The following SLC25A20 variants were observed in gnomAD, a reference collection of about 807,000 sequenced individuals.
SLC25A20 encodes mitochondrial carnitine/acylcarnitine carrier protein.
In SLC25A20, 29 loss-of-function variants were observed where a neutral mutation model predicts 39.7. The observed-to-expected ratio is 0.73, with a 90% CI of 0.54 to 1.00. The LOEUF (loss-of-function observed/expected upper bound fraction) is 1.00. Ranked by LOEUF, SLC25A20 falls within the 50% of genes least tolerant of loss-of-function variation. The pLI is 0.00. For synonymous variants in SLC25A20, 103 were observed against 142.2 expected (o/e 0.72, Z 1.96); for missense variants, 333 against 379.9 (o/e 0.88, Z 1.03).
rs2083814605 is a variant in SLC25A20 at position 48,884,088 on chromosome 3, TA to T, written c.234del (p.Ile79SerfsTer50). 6.2e-7 allele frequency: 1 copy of T among 1,613,710 alleles called. No individual in the cohort carries two copies. Among genetic ancestry groups the T allele is most frequent in the African/African-American group, 1.3e-5 (1 of 74,896 alleles). On this transcript the variant is annotated frameshift_variant, in exon 3 of 9. Transcript: ENST00000319017. LOFTEE classifies it high-confidence loss of function. ...GCAAACATGGGAGTGACCCCGATGA[TA>T]GGGGCAGCCATTCCCCGATATAGCC... The part of the protein sequence containing the change: ...ITGLYRGMAA[P>X]IIGVTPMFAV...
In SLC25A20 at chr3:48,897,486, G is replaced by A. The variant is rs986472339; in HGVS notation, c.105+1204C>T. On this transcript the variant is annotated intron_variant, in intron 1 of 8. Transcript: ENST00000319017. ...CAATCGTCCCTCAGTAGACAGTGCC[G>A]CTTGGAATGACCACAGTCTGGGAAG... Among the ~76,000 whole-genome samples the A allele has an allele frequency of 2.0e-5, 3 of 150,982 alleles. No homozygotes were observed. In the South Asian group the frequency reaches 6.3e-4, roughly 32 times the overall value.
intron 4 of SLC25A20, among the ~76,000 whole-genome samples, chr3:48,864,005 A>G (rs1052328782): frequency 1.3e-5 from 2 of 150,018 alleles, no homozygotes; most frequent in Admixed American, 6.7e-5. Context: ...ACAGAGCACA[A>G]CTCTATCTCA....
intron 4 of SLC25A20, among the ~76,000 whole-genome samples, chr3:48,877,834 A>C (rs1005158870): frequency 2.0e-5 from 3 of 152,166 alleles, no homozygotes; most frequent in African/African-American, 7.2e-5. Context: ...GACATGACTC[A>C]CCTTTCAGAG....
chr3:48,878,267 A>AG (rs1388434299), intron 4 of SLC25A20, among the ~76,000 whole-genome samples: 1 of 58,944 alleles, frequency 1.7e-5, no homozygotes, highest in East Asian at 1.9e-3. Context: ...CTCCACAAAA[A>AG]AAAAAAATAT....
intron 4 of SLC25A20, among the ~76,000 whole-genome samples, chr3:48,869,925 C>T (rs1047246042): frequency 6.6e-6 from 1 of 151,888 alleles, no homozygotes; most frequent in Non-Finnish European, 1.5e-5. Context: ...TGAGACCAGC[C>T]TGGGTAACAA....
intron 3 of SLC25A20, among the ~76,000 whole-genome samples, chr3:48,881,749 G>A (rs2106656012): frequency 6.6e-6 from 1 of 152,190 alleles, no homozygotes; most frequent in African/African-American, 2.4e-5. Flanking sequence ...GTCATGCATG[G>A]CCCTGATACA....
intron 4 of SLC25A20, among the ~76,000 whole-genome samples, chr3:48,872,956 GCTCATGTCTATAATC>G (rs988077791): frequency 2.6e-5 from 4 of 152,198 alleles, no homozygotes; most frequent in African/African-American, 9.7e-5. Flanking sequence ...GGGTACGGTG[GCTCATGTCTATAATC>G]CCAGCACTTT....
chr3:48,859,949 C>T (rs1236606505), intron 5 of SLC25A20, among the ~76,000 whole-genome samples: 1 of 151,930 alleles, frequency 6.6e-6, no homozygotes, highest in East Asian at 1.9e-4. Context: ...GGCACATCAC[C>T]TGAGGCCAGG....
rs111275452 is a variant in SLC25A20, at chr3:48,890,798, G to C, written c.198+1182C>G. Among the ~76,000 whole-genome samples the C allele has an allele frequency of 1.1e-4, 16 of 151,144 alleles. 1 individual carries two copies. The East Asian group carries it at 3.2e-3, about 30-fold the overall frequency. On this transcript the variant is annotated intron_variant, in intron 2 of 8. Coordinates refer to ENST00000319017, the MANE Select transcript of SLC25A20 (RefSeq NM_000387.6). ...GCCTCCCGAGTAGCTGGGACTACAGGTGCCCGCCACGACGTCCGGCTAATT... is the reference window on the plus strand; with the variant it reads ...GCCTCCCGAGTAGCTGGGACTACAGCTGCCCGCCACGACGTCCGGCTAATT...
chr3:48,859,340 G>A, intron 6 of SLC25A20, 139 bp from the exon 7 acceptor site: 1 of 851,740 alleles, frequency 1.2e-6, no homozygotes, highest in Non-Finnish European at 2.0e-6. Context: ...AGTGCTGCTG[G>A]CACTCCTTGG....
intron 5 of SLC25A20, 55 bp from the exon 6 acceptor site, chr3:48,859,682 G>T: frequency 7.4e-7 from 1 of 1,356,068 alleles, no homozygotes; most frequent in Non-Finnish European, 1.1e-6. Context: ...CGCCAGGCAT[G>T]GTGGTACACA....
intron 4 of SLC25A20, among the ~76,000 whole-genome samples, chr3:48,878,355 A>G (rs974452690): frequency 6.6e-6 from 1 of 150,782 alleles, no homozygotes; most frequent in Non-Finnish European, 1.5e-5. Flanking sequence ...TTTATTTGAG[A>G]CAGGGTCTCA....
intron 1 of SLC25A20, among the ~76,000 whole-genome samples, chr3:48,896,414 C>A (rs1307058136): frequency 4.6e-5 from 7 of 152,066 alleles, no homozygotes; most frequent in African/African-American, 1.4e-4. Context: ...ACACTTCATA[C>A]CTCATACCTG....
chr3:48,865,758 G>GCAAAA (rs2083662804), intron 4 of SLC25A20, among the ~76,000 whole-genome samples: 1 of 146,976 alleles, frequency 6.8e-6, no homozygotes, highest in South Asian at 2.2e-4. Context: ...GACAAAGCGA[G>GCAAAA]ACTCTGTCTC....
chr3:48,883,112 G>A (rs2083805991), intron 3 of SLC25A20, among the ~76,000 whole-genome samples: 1 of 151,584 alleles, frequency 6.6e-6, no homozygotes, highest in African/African-American at 2.4e-5. Context: ...GGAGAATGGT[G>A]TGAACCTGGG....
At chr3:48,859,649 T>C in intron 5 of SLC25A20, 22 bp from the exon 6 acceptor site, 1 of 1,565,832 alleles carries the variant, frequency 6.4e-7, no homozygotes, top group South Asian at 1.1e-5. Context: ...AAGAAAAAGG[T>C]GAATTAAAGT....
rs183074727 is a variant in SLC25A20, at chr3:48,882,503, A to T, written c.326+1494T>A. 6.2e-4 allele frequency among the ~76,000 whole-genome samples: 95 copies of T among 152,274 alleles called. 3 individuals carry two copies. Among genetic ancestry groups the T allele is most frequent in the Admixed American group, 5.4e-3 (83 of 15,280 alleles). Reference sequence around the variant, plus strand: ...TATATTTAAGCATTCAGACCTCTCAACAGCCTCCTGGGGTTGGTATTACAA... The same window carrying T: ...TATATTTAAGCATTCAGACCTCTCATCAGCCTCCTGGGGTTGGTATTACAA... On this transcript the variant is annotated intron_variant, in intron 3 of 8. Coordinates refer to ENST00000319017, the MANE Select transcript of SLC25A20 (RefSeq NM_000387.6).
At position 48,859,091 on chromosome 3, in the gene SLC25A20, C is replaced by G. The variant is rs766551395; in HGVS notation, c.718+1G>C. The G allele has an allele frequency of 6.2e-7, 1 of 1,612,498 alleles. No individual in the cohort carries two copies. The highest frequency in any genetic ancestry group is 8.5e-7 in the Non-Finnish European group (1 of 1,178,688). ...TGTCCACCCCACTACCTTCCACTCACCAGTCTGGAATCGAGACTTGAGCAC... is the reference window on the plus strand; with the variant it reads ...TGTCCACCCCACTACCTTCCACTCAGCAGTCTGGAATCGAGACTTGAGCAC... On this transcript the variant is annotated splice_donor_variant, in intron 7 of 8. Coordinates refer to ENST00000319017, the MANE Select transcript of SLC25A20 (RefSeq NM_000387.6). LOFTEE classifies it high-confidence loss of function.
chr3:48,860,406 A>T (rs2106637864), intron 5 of SLC25A20, among the ~76,000 whole-genome samples: 1 of 152,148 alleles, frequency 6.6e-6, no homozygotes, highest in East Asian at 1.9e-4. Flanking sequence ...CGAGGTCAAG[A>T]GATTGAGACT....
Sources: gnomAD v4.1 joint callset for allele counts (sites outside exome capture counted in the v4.1 genomes callset) on GRCh38, gnomAD v4.1.1 for gene constraint, MANE v1.5 for transcripts, NCBI Gene and HGNC (gene_info 2026-07-23, HGNC 2026-07-21) for gene names.